Variants in CHM observed in about 807,000 individuals in gnomAD.
CHM encodes CHM Rab escort protein.
CHM carries 10 observed loss-of-function variants against 49.0 expected under a neutral mutation model. The ratio of observed to expected loss-of-function variants is 0.20; its 90% CI spans 0.13 to 0.35. CHM has a LOEUF of 0.35. Among genes scored for constraint, CHM ranks in the 10% least tolerant of loss-of-function variants. CHM has a pLI of 1.00. For synonymous variants in CHM, 184 were observed against 167.5 expected (o/e 1.10, Z -0.76); for missense variants, 455 against 478.4 (o/e 0.95, Z 0.46).
chrX:85,966,532 G>A (rs1363519368), intron 4 of CHM, among the ~76,000 whole-genome samples: 1 of 110,746 alleles, frequency 9.0e-6, no homozygotes, highest in Non-Finnish European at 1.9e-5. Context: ...AATATGAAAG[G>A]TGATTTATAT....
At chrX:86,019,697 TTCAC>T (rs1411294668) in intron 2 of CHM, 2 of 112,020 alleles carry the variant, frequency 1.8e-5, no homozygotes, top group African/African-American at 3.2e-5. Flanking sequence ...CTCCCACTGC[TTCAC>T]TTGACTAGCC....
chrX:86,019,213 G>A (rs980062641), intron 2 of CHM, among the ~76,000 whole-genome samples: 7 of 111,262 alleles, frequency 6.3e-5, no homozygotes, highest in East Asian at 2.8e-4. Flanking sequence ...AATATATTTC[G>A]AAATTTAAAA....
At chrX:86,040,309 C>G (rs138165498) in intron 1 of CHM, among the ~76,000 whole-genome samples, 242 of 112,447 alleles carry the variant, frequency 2.2e-3, no homozygotes, top group African/African-American at 7.6e-3. Flanking sequence ...TGCACCCACT[C>G]AACTGCACAT....
chrX:85,925,890 C>T (rs1928050266), intron 8 of CHM, among the ~76,000 whole-genome samples: 3 of 111,135 alleles, frequency 2.7e-5, no homozygotes, highest in African/African-American at 9.8e-5. Context: ...ATAACAACTC[C>T]TAGATCTCTT....
chrX:85,866,153 A>C (rs1254757627), intron 14 of CHM, among the ~76,000 whole-genome samples: 1 of 112,493 alleles, frequency 8.9e-6, no homozygotes, highest in African/African-American at 3.2e-5. Context: ...CATGTCAGAG[A>C]TCTTCCCTAG....
intron 12 of CHM, among the ~76,000 whole-genome samples, chrX:85,891,308 A>G (rs1487916506): frequency 8.9e-6 from 1 of 112,215 alleles, no homozygotes; most frequent in Non-Finnish European, 1.9e-5. Flanking sequence ...CCCCAAGCCC[A>G]TGAGGAAAAT....
intron 4 of CHM, among the ~76,000 whole-genome samples, chrX:85,975,602 C>T (rs373802608): frequency 2.1e-4 from 24 of 111,934 alleles, no homozygotes; most frequent in African/African-American, 7.8e-4. Context: ...CTTAAAATGA[C>T]AAGATTATAG....
chrX:86,041,387 C>T (rs1304881657), intron 1 of CHM, among the ~76,000 whole-genome samples: 1 of 110,824 alleles, frequency 9.0e-6, no homozygotes, highest in Non-Finnish European at 1.9e-5. Flanking sequence ...AAGTGCAAAG[C>T]ATTTTTCAGA....
chrX:86,021,096 A>G (rs1276389330), intron 2 of CHM, among the ~76,000 whole-genome samples: 29 of 89,777 alleles, frequency 3.2e-4, no homozygotes, highest in South Asian at 5.6e-4. Flanking sequence ...ATATATACAC[A>G]TATATATACG....
intron 8 of CHM, among the ~76,000 whole-genome samples, chrX:85,945,048 CAT>C (rs1411059097): frequency 1.8e-5 from 2 of 111,287 alleles, no homozygotes; most frequent in Non-Finnish European, 3.8e-5. Context: ...CCAAATGCCA[CAT>C]GTTCTCACTT....
At chrX:86,000,513 C>CAAAAAAAAAA (rs754600557) in intron 2 of CHM, among the ~76,000 whole-genome samples, 2 of 58,891 alleles carry the variant, frequency 3.4e-5, no homozygotes, top group Admixed American at 2.6e-4. Flanking sequence ...GGAATATATT[C>CAAAAAAAAAA]AAAAAAAAAA....
At chrX:85,977,450 T>C (rs1323187787) in intron 4 of CHM, among the ~76,000 whole-genome samples, 1 of 112,147 alleles carries the variant, frequency 8.9e-6, no homozygotes, top group Non-Finnish European at 1.9e-5. Context: ...GATAATTTTC[T>C]TTGCACTCAA....
chrX:85,990,010 A>G (rs981934023), intron 2 of CHM, among the ~76,000 whole-genome samples: 5 of 112,217 alleles, frequency 4.5e-5, no homozygotes, highest in Non-Finnish European at 9.4e-5. Flanking sequence ...AGGAATATAA[A>G]TAATTCTACC....
intron 13 of CHM, among the ~76,000 whole-genome samples, chrX:85,873,600 G>T (rs1241735443): frequency 4.5e-5 from 5 of 111,128 alleles, no homozygotes; most frequent in Non-Finnish European, 9.5e-5. Flanking sequence ...AGCAGGAAGT[G>T]GGTTAGTAGG....
chrX:85,942,982 T>C (rs865982094), intron 8 of CHM, among the ~76,000 whole-genome samples: 1 of 98,070 alleles, frequency 1.0e-5, no homozygotes, highest in Non-Finnish European at 2.0e-5. Flanking sequence ...CATTGTTCAA[T>C]TCCCACCTAT....
At chrX:86,044,484 G>A (rs1934585535) in intron 1 of CHM, among the ~76,000 whole-genome samples, 1 of 111,815 alleles carries the variant, frequency 8.9e-6, no homozygotes, top group African/African-American at 3.2e-5. Context: ...ATTCCCCTAT[G>A]TATGAAGCAT....
chrX:85,996,323 A>C (rs979324426), intron 2 of CHM, among the ~76,000 whole-genome samples: 23 of 112,089 alleles, frequency 2.1e-4, no homozygotes, highest in Non-Finnish European at 3.9e-4. Context: ...ACCCAATTCT[A>C]CATATGTACA....
Position 86,021,138 on chromosome X carries a change from A to G in CHM, c.116+6353T>C, listed in dbSNP as rs1427494050. On this transcript the variant is annotated intron_variant, in intron 2 of 14. Coordinates refer to ENST00000357749, the MANE Select transcript of CHM (RefSeq NM_000390.4). Reference sequence around the variant, plus strand: ...TATGTGTATATACGTATATATATATATATATATATATATATATATACACGT... The same window carrying G: ...TATGTGTATATACGTATATATATATGTATATATATATATATATATACACGT... Among the ~76,000 whole-genome samples, 241 of 50,661 alleles carry G rather than the reference A, an allele frequency of 4.8e-3. 2 individuals are homozygous for G. Among genetic ancestry groups the G allele is most frequent in the African/African-American group, 0.017 (193 of 11,237 alleles). The allele number at this position is 50,661 out of a possible 115,157, so 44.0% of individuals were successfully genotyped here.
At chrX:85,873,777 ATATGG>A (rs1002467485) in intron 13 of CHM, among the ~76,000 whole-genome samples, 1 of 111,585 alleles carries the variant, frequency 9.0e-6, no homozygotes, top group Non-Finnish European at 1.9e-5. Context: ...TGGGTGAATC[ATATGG>A]TATATGAATG....
Sources: gnomAD v4.1 joint callset for allele counts (sites outside exome capture counted in the v4.1 genomes callset) on GRCh38, gnomAD v4.1.1 for gene constraint, MANE v1.5 for transcripts, NCBI Gene and HGNC (gene_info 2026-07-23, HGNC 2026-07-21) for gene names.